TAF2: variants seen among roughly 807,000 people sequenced by gnomAD.
The protein encoded by TAF2 is transcription initiation factor TFIID subunit 2.
TAF2 carries 61 observed loss-of-function variants against 138.5 expected under a neutral mutation model. The observed-to-expected ratio is 0.44, with a 90% CI of 0.36 to 0.54. The LOEUF is 0.54. Among genes scored for constraint, TAF2 ranks in the 20% least tolerant of loss-of-function variants. The pLI is 0.00. For missense variants in TAF2, 1,090 were observed against 1,427.9 expected (o/e 0.76, Z 3.81); for synonymous variants, 475 against 469.9 (o/e 1.01, Z -0.14).
chr8:119,808,488 T>G (rs995353722), intron 3 of TAF2, among the ~76,000 whole-genome samples: 2 of 152,224 alleles, frequency 1.3e-5, no homozygotes, highest in African/African-American at 4.8e-5. Flanking sequence ...CTTGTTCATG[T>G]TGATGTTTTG....
intron 18 of TAF2, among the ~76,000 whole-genome samples, chr8:119,774,147 G>A (rs1822050814): frequency 1.3e-5 from 2 of 151,890 alleles, no homozygotes; most frequent in Non-Finnish European, 2.9e-5. Context: ...CCCTAGCCTG[G>A]GGGACAGAGC....
chr8:119,737,964 T>C (rs1463750564), intron 25 of TAF2, among the ~76,000 whole-genome samples: 1 of 152,106 alleles, frequency 6.6e-6, no homozygotes, highest in Admixed American at 6.6e-5. Flanking sequence ...TAATTGGCAG[T>C]AACAGGAGAA....
rs781020155 is a variant in TAF2, at chr8:119,832,528, T to G, written c.37A>C (p.Arg13=). 3.7e-6 allele frequency: 6 copies of G among 1,613,486 alleles called. No individual in the cohort carries two copies. In the African/African-American group the frequency reaches 8.0e-5, roughly 22 times the overall value. Residue 13 remains arginine, a synonymous_variant, in exon 1 of 26, where the codon AGG becomes CGG. Transcript: ENST00000378164. The part of the protein sequence containing the change: ...LTGVEPARMN[R]KKGDKGFESP... ...TCAAAGCCCTTGTCTCCTTTCTTCC[T>G]GTTCATTCTGGCGGGCTCTACACCA... is the stretch of plus-strand genomic sequence containing the variant.
chr8:119,828,469 A>T (rs1586558749), intron 2 of TAF2, among the ~76,000 whole-genome samples: 1 of 152,330 alleles, frequency 6.6e-6, no homozygotes, highest in Non-Finnish European at 1.5e-5. Flanking sequence ...ATTCCCTCAG[A>T]TGCCTCTCAG....
At chr8:119,789,884 A>C in intron 11 of TAF2, 138 bp from the exon 12 acceptor site, 1 of 847,212 alleles carries the variant, frequency 1.2e-6, no homozygotes, top group Non-Finnish European at 1.8e-6. Context: ...AGATTATTCT[A>C]AAGACTACTA....
intron 18 of TAF2, among the ~76,000 whole-genome samples, chr8:119,774,852 T>C (rs1246576239): frequency 6.6e-6 from 1 of 152,030 alleles, no homozygotes; most frequent in African/African-American, 2.4e-5. Context: ...TATGAATAAA[T>C]AGCTCATTAA....
chr8:119,826,799 G>A (rs1826130491), intron 2 of TAF2, among the ~76,000 whole-genome samples: 1 of 152,124 alleles, frequency 6.6e-6, no homozygotes, highest in South Asian at 2.1e-4. Context: ...CACCATGTTG[G>A]CCGGTCTGGT....
chr8:119,812,332 T>A (rs1825129483), intron 3 of TAF2, among the ~76,000 whole-genome samples: 2 of 152,152 alleles, frequency 1.3e-5, no homozygotes, highest in South Asian at 4.1e-4. Flanking sequence ...CTCATTTTTT[T>A]TTTTTTAATT....
At chr8:119,749,889 A>G (rs1304631367) in intron 22 of TAF2, among the ~76,000 whole-genome samples, 3 of 152,202 alleles carry the variant, frequency 2.0e-5, no homozygotes, top group African/African-American at 7.2e-5. Context: ...GAAAATTGCT[A>G]TTCATCCTGT....
chr8:119,752,349 T>C (rs1032199498), intron 22 of TAF2, among the ~76,000 whole-genome samples: 1 of 152,158 alleles, frequency 6.6e-6, no homozygotes, highest in African/African-American at 2.4e-5. Context: ...GGAAAGATAC[T>C]AGAGTACCTC....
chr8:119,783,455 C>A lies in TAF2; in HGVS notation c.2038G>T (p.Ala680Ser). 1 of 1,614,140 alleles carries A rather than the reference C, an allele frequency of 6.2e-7. No individual in the cohort carries two copies. Among genetic ancestry groups the A allele is most frequent in the Non-Finnish European group, 8.5e-7 (1 of 1,180,024 alleles). ...TCTTGTTCTAATATATCAGTGAGTG[C>A]AAGCCGAGATGCTGGAGTAGGGAAT... ...EKFPTPASRL[A>S]LTDILEQEQC... is the part of the protein sequence containing the mutation. The change falls in exon 16 of 26, where the codon GCA becomes TCA. Residue 680 changes from alanine (A) to serine (S), a missense_variant. Transcript: ENST00000378164.
At chr8:119,742,280 G>A (rs1282111246) in intron 25 of TAF2, among the ~76,000 whole-genome samples, 2 of 151,906 alleles carry the variant, frequency 1.3e-5, no homozygotes, top group African/African-American at 4.8e-5. Context: ...TGGCATATGG[G>A]GGATAATTTT....
In TAF2 at chr8:119,751,583, C is replaced by G. The variant is rs867244072; in HGVS notation, c.2878+4423G>C. Among the ~76,000 whole-genome samples the G allele has an allele frequency of 1.4e-4, 22 of 152,272 alleles. No individual in the cohort carries two copies. The Middle Eastern group carries it at 0.014, about 94-fold the overall frequency. ...AAATAGTTTGTTCTCTTTACTTTAG[C>G]AACTATCTCTTCATATTATAATTTA... On this transcript the variant is annotated intron_variant, in intron 22 of 25. Coordinates refer to ENST00000378164, the MANE Select transcript of TAF2 (RefSeq NM_003184.4).
chr8:119,807,677 C>G (rs937643983), intron 3 of TAF2, among the ~76,000 whole-genome samples: 8 of 152,228 alleles, frequency 5.3e-5, no homozygotes, highest in Non-Finnish European at 5.9e-5. Flanking sequence ...GTAATCCCAG[C>G]ACTTTGGGAG....
At chr8:119,734,093 T>C (rs1376528715) in intron 25 of TAF2, among the ~76,000 whole-genome samples, 1 of 152,104 alleles carries the variant, frequency 6.6e-6, no homozygotes, top group Non-Finnish European at 1.5e-5. Flanking sequence ...GACACCCCTA[T>C]ACCCCCAACA....
intron 15 of TAF2, 79 bp downstream of exon 15, chr8:119,785,122 C>A: frequency 8.6e-7 from 1 of 1,158,388 alleles, no homozygotes; most frequent in South Asian, 1.3e-5. Context: ...CAGTTATACA[C>A]TTTTACGTAC....
chr8:119,801,386 T>C (rs1824244627), intron 6 of TAF2, among the ~76,000 whole-genome samples: 2 of 151,962 alleles, frequency 1.3e-5, no homozygotes, highest in South Asian at 2.1e-4. Flanking sequence ...GTCATATTCT[T>C]GATAGTTGAA....
chr8:119,813,672 C>T (rs535782061), intron 3 of TAF2, among the ~76,000 whole-genome samples: 3 of 152,212 alleles, frequency 2.0e-5, no homozygotes, highest in Non-Finnish European at 2.9e-5. Flanking sequence ...AGAGTAATCT[C>T]AATAATTCTG....
At chr8:119,754,136 C>T (rs1470596629) in intron 22 of TAF2, among the ~76,000 whole-genome samples, 2 of 151,868 alleles carry the variant, frequency 1.3e-5, no homozygotes, top group Non-Finnish European at 2.9e-5. Context: ...ATCCTATTTT[C>T]AATTTTATTA....
Sources: gnomAD v4.1 joint callset for allele counts (sites outside exome capture counted in the v4.1 genomes callset) on GRCh38, gnomAD v4.1.1 for gene constraint, MANE v1.5 for transcripts, NCBI Gene and HGNC (gene_info 2026-07-23, HGNC 2026-07-21) for gene names.